IPO11: variants seen among roughly 807,000 people sequenced by gnomAD.
IPO11 encodes the protein importin 11.
IPO11 carries 66 observed loss-of-function variants against 143.2 expected under a neutral mutation model. The ratio of observed to expected loss-of-function variants is 0.46; its 90% CI spans 0.38 to 0.57. The LOEUF (loss-of-function observed/expected upper bound fraction) is 0.57. Ranked by LOEUF, IPO11 falls within the 20% of genes least tolerant of loss-of-function variation. IPO11 has a pLI of 0.00. For missense variants in IPO11, 1,026 were observed against 1,141.0 expected, an observed-to-expected ratio of 0.90 and a Z score of 1.45; for synonymous variants, 385 against 377.8, an observed-to-expected ratio of 1.02 and a Z score of -0.22.
At chr5:62,475,309 C>G (rs1182810112) in intron 8 of IPO11, among the ~76,000 whole-genome samples, 2 of 152,074 alleles carry the variant, frequency 1.3e-5, no homozygotes, top group Non-Finnish European at 2.9e-5. Context: ...TCGCTTGAGC[C>G]CAGGAGTTGG....
At chr5:62,517,904 A>G (rs1742080332) in intron 20 of IPO11, among the ~76,000 whole-genome samples, 1 of 152,236 alleles carries the variant, frequency 6.6e-6, no homozygotes, top group Non-Finnish European at 1.5e-5. Context: ...TGCAAGGTTC[A>G]AACAAGTAGT....
intron 27 of IPO11, chr5:62,580,551 A>T (rs554080823): frequency 1.0e-5 from 16 of 1,551,448 alleles, no homozygotes; most frequent in Admixed American, 7.8e-5. Flanking sequence ...TGGGCCTTCG[A>T]GACTGGCTAG....
At chr5:62,430,723 G>A (rs554497631) in intron 1 of IPO11, among the ~76,000 whole-genome samples, 1 of 150,888 alleles carries the variant, frequency 6.6e-6, no homozygotes, top group African/African-American at 2.4e-5. Context: ...CTGTCGCGAG[G>A]CTGGAGTGCA....
chr5:62,467,415 G>A (rs1745609410), intron 6 of IPO11, 152 bp downstream of exon 6: 2 of 771,548 alleles, frequency 2.6e-6, no homozygotes, highest in African/African-American at 1.8e-5. Flanking sequence ...TTATAGTTTT[G>A]TGGCAGTAGC....
chr5:62,611,322 C>A lies in IPO11; in HGVS notation c.2763+9474C>A, dbSNP rs181816550. Among the ~76,000 whole-genome samples, 75 of 152,192 alleles carry A rather than the reference C, an allele frequency of 4.9e-4. 1 individual carries two copies. Among genetic ancestry groups the A allele is most frequent in the African/African-American group, 1.7e-3 (72 of 41,548 alleles). ...ATCCAACTGAGATGCAATAAAGATA[C>A]AAATTGATAACCAGGCATCCTAAGG... On this transcript the variant is annotated intron_variant, in intron 29 of 29. Transcript: ENST00000325324.
intron 5 of IPO11, among the ~76,000 whole-genome samples, chr5:62,465,223 A>G (rs186851961): frequency 6.6e-6 from 1 of 152,374 alleles, no homozygotes; most frequent in Non-Finnish European, 1.5e-5. Context: ...TTCTGACAAA[A>G]TATTTTAATG....
intron 21 of IPO11, among the ~76,000 whole-genome samples, chr5:62,529,557 A>G (rs1329032590): frequency 6.6e-6 from 1 of 152,056 alleles, no homozygotes; most frequent in East Asian, 1.9e-4. Context: ...TATCAGTGCT[A>G]TGTTTAACAA....
chr5:62,598,389 TTG>T (rs1482210249), intron 28 of IPO11, among the ~76,000 whole-genome samples: 2,157 of 7,062 alleles, frequency 0.31, 307 homozygotes, highest in Middle Eastern at 0.38. Flanking sequence ...GCTTGCTTGC[TTG>T]CTTTCTTTCT....
chr5:62,594,053 T>G (rs937615955), intron 28 of IPO11, among the ~76,000 whole-genome samples: 1 of 152,246 alleles, frequency 6.6e-6, no homozygotes, highest in African/African-American at 2.4e-5. Flanking sequence ...AGTTAATCTT[T>G]CTGGTTCTGT....
chr5:62,435,118 G>GTATA lies in IPO11; in HGVS notation c.-6-2152_-6-2149dup, dbSNP rs1474091511. Among the ~76,000 whole-genome samples the GTATA allele has an allele frequency of 9.9e-5, 6 of 60,704 alleles. No individual in the cohort carries two copies. In the East Asian group the frequency reaches 2.4e-3, roughly 25 times the overall value. 39.8% of individuals were successfully genotyped at this position (60,704 alleles called of 152,430 possible). On this transcript the variant is annotated intron_variant, in intron 1 of 29. Coordinates refer to ENST00000325324, the MANE Select transcript of IPO11 (RefSeq NM_016338.5). The stretch of plus-strand genomic sequence containing the variant: ...TATATATGTATATATATGTATATAT[G>GTATA]TATATATGTATATATATGTATATAT...
intron 26 of IPO11, among the ~76,000 whole-genome samples, chr5:62,553,323 AGTGTGTGTGTGTGTGTGTGT>A (rs3077458): frequency 1.1e-4 from 13 of 119,180 alleles, no homozygotes; most frequent in African/African-American, 3.4e-4. Context: ...TATTCGTGTG[AGTGTGTGTGTGTGTGTGTGT>A]GTGTGTGTGT....
At chr5:62,526,320 C>A in intron 21 of IPO11, 63 bp downstream of exon 21, 1 of 1,178,980 alleles carries the variant, frequency 8.5e-7, no homozygotes, top group Non-Finnish European at 1.3e-6. Context: ...ACTCTCATGC[C>A]AGTAAAGTTA....
chr5:62,464,143 GTTTTTTT>G (rs34056674), intron 5 of IPO11, among the ~76,000 whole-genome samples: 193 of 78,676 alleles, frequency 2.5e-3, no homozygotes, highest in African/African-American at 9.5e-3. Context: ...GTTTTTGGTG[GTTTTTTT>G]TTTTTTTTTT....
chr5:62,528,714 A>G (rs1050330251), intron 21 of IPO11, among the ~76,000 whole-genome samples: 7 of 152,164 alleles, frequency 4.6e-5, no homozygotes, highest in African/African-American at 9.7e-5. Context: ...CAAAATATGA[A>G]GCATCGTCTT....
At chr5:62,599,441 G>A (rs1417689723) in intron 28 of IPO11, among the ~76,000 whole-genome samples, 1 of 152,138 alleles carries the variant, frequency 6.6e-6, no homozygotes, top group Non-Finnish European at 1.5e-5. Context: ...GTTTATCAGC[G>A]CTCAATGAAT....
intron 22 of IPO11, among the ~76,000 whole-genome samples, chr5:62,531,027 T>G (rs1412741705): frequency 6.6e-6 from 1 of 152,230 alleles, no homozygotes; most frequent in Non-Finnish European, 1.5e-5. Flanking sequence ...TTTGAGTTCC[T>G]CCCTCTGCCC....
intron 19 of IPO11, among the ~76,000 whole-genome samples, chr5:62,513,918 C>T (rs904352598): frequency 4.0e-5 from 5 of 124,510 alleles, no homozygotes; most frequent in Non-Finnish European, 6.9e-5. Context: ...CAGACGGGGT[C>T]GCGGCCGGGC....
rs189887476 is a variant in IPO11 at position 62,627,541 on chromosome 5, C to T, written c.*223C>T. The T allele has an allele frequency of 6.6e-4, 261 of 393,738 alleles. 1 individual carries two copies. The highest frequency in any genetic ancestry group is 4.3e-3 in the African/African-American group (213 of 49,120). 24.4% of individuals were successfully genotyped at this position (393,738 alleles called of 1,614,324 possible). ...TTTAATTTTATATTTATGAGGGGGC[C>T]CTTCACTAAAAAGTACATGTAAAAG... On this transcript the variant is annotated 3_prime_UTR_variant, in exon 30 of 30. Transcript: ENST00000325324.
intron 9 of IPO11, among the ~76,000 whole-genome samples, chr5:62,482,261 A>T (rs1253258757): frequency 6.6e-6 from 1 of 152,140 alleles, no homozygotes; most frequent in African/African-American, 2.4e-5. Context: ...GATTTTTTGA[A>T]GGGTTTTTTT....
Sources: gnomAD v4.1 joint callset for allele counts (sites outside exome capture counted in the v4.1 genomes callset) on GRCh38, gnomAD v4.1.1 for gene constraint, MANE v1.5 for transcripts, NCBI Gene and HGNC (gene_info 2026-07-23, HGNC 2026-07-21) for gene names.